RBFOX1: variants seen among roughly 807,000 people sequenced by gnomAD.
RBFOX1 encodes RNA binding protein fox-1 homolog 1.
RBFOX1 carries 8 observed loss-of-function variants against 57.7 expected under a neutral mutation model. The ratio of observed to expected loss-of-function variants is 0.14; its 90% CI spans 0.08 to 0.25. The LOEUF is 0.25. RBFOX1 is among the 10% of genes least tolerant of loss of function. RBFOX1 has a pLI of 1.00. For missense variants in RBFOX1, 611 were observed against 548.5 expected (o/e 1.11, Z -1.14); for synonymous variants, 326 against 222.4 (o/e 1.47, Z -4.15).
chr16:5,686,726 G>A (rs752299588), intron 3 of RBFOX1, among the ~76,000 whole-genome samples: 7 of 152,208 alleles, frequency 4.6e-5, no homozygotes, highest in South Asian at 4.2e-4. Context: ...GGAAATTGCC[G>A]AAATATAGAA....
chr16:7,087,377 A>G (rs758684750), intron 4 of RBFOX1, among the ~76,000 whole-genome samples: 1 of 152,120 alleles, frequency 6.6e-6, no homozygotes, highest in Non-Finnish European at 1.5e-5. Flanking sequence ...TCTGTTGATG[A>G]TCAACACCAT....
At chr16:5,554,260 A>C (rs117445395) in intron 2 of RBFOX1, among the ~76,000 whole-genome samples, 7,398 of 152,158 alleles carry the variant, frequency 0.049, 196 homozygotes, top group East Asian at 0.1. Context: ...CATGAGCCAC[A>C]ATGCCTGGCC....
chr16:7,149,206 G>T (rs2075643214), intron 4 of RBFOX1, among the ~76,000 whole-genome samples: 2 of 152,036 alleles, frequency 1.3e-5, no homozygotes, highest in South Asian at 4.2e-4. Flanking sequence ...TTTTTATTCA[G>T]AGTCAAGACT....
At chr16:7,394,064 C>T (rs1023342547) in intron 4 of RBFOX1, among the ~76,000 whole-genome samples, 1 of 151,562 alleles carries the variant, frequency 6.6e-6, no homozygotes, top group Non-Finnish European at 1.5e-5. Flanking sequence ...GGTGAAACCC[C>T]ATCTCTACGA....
intron 11 of RBFOX1, among the ~76,000 whole-genome samples, chr16:7,648,140 C>A (rs1292286527): frequency 6.6e-6 from 1 of 152,058 alleles, no homozygotes; most frequent in African/African-American, 2.4e-5. Context: ...TGTATTTTGC[C>A]CTTGAAATGG....
At chr16:7,301,344 A>C (rs2096026762) in intron 4 of RBFOX1, among the ~76,000 whole-genome samples, 8 of 152,190 alleles carry the variant, frequency 5.3e-5, no homozygotes, top group Admixed American at 5.2e-4. Flanking sequence ...GTTCAGGTTT[A>C]GTTATCCAGA....
intron 4 of RBFOX1, among the ~76,000 whole-genome samples, chr16:7,339,994 T>A (rs917698386): frequency 6.6e-6 from 1 of 152,136 alleles, no homozygotes; most frequent in Non-Finnish European, 1.5e-5. Context: ...CATCTCCTTT[T>A]AGAAATTCTC....
At chr16:5,888,063 C>G (rs1180040490) in intron 4 of RBFOX1, among the ~76,000 whole-genome samples, 1 of 152,200 alleles carries the variant, frequency 6.6e-6, no homozygotes, top group African/African-American at 2.4e-5. Flanking sequence ...AGACTGCCCT[C>G]CTGCAAGATT....
At chr16:6,755,268 T>G (rs930787980) in intron 3 of RBFOX1, among the ~76,000 whole-genome samples, 5 of 152,294 alleles carry the variant, frequency 3.3e-5, no homozygotes, top group East Asian at 3.9e-4. Flanking sequence ...GATCCCTGAG[T>G]AATCGCCACA....
chr16:6,965,537 A>C (rs910805249), intron 3 of RBFOX1, among the ~76,000 whole-genome samples: 2 of 152,178 alleles, frequency 1.3e-5, no homozygotes, highest in East Asian at 3.9e-4. Context: ...GGGTTTCACC[A>C]TGTTGGCCAG....
At position 6,104,331 on chromosome 16, in the gene RBFOX1, C is replaced by G. The variant is rs76834283; in HGVS notation, c.-127+84339C>G. ...CTTTATATTGCAATATTAAGGGAAA[C>G]CTTTAGAACTTAAAGAATAAATACC... On this transcript the variant is annotated intron_variant, in intron 1 of 15. Transcript: ENST00000550418. Among the ~76,000 whole-genome samples the G allele has an allele frequency of 7.2e-5, 11 of 152,010 alleles. No homozygotes were observed. In the East Asian group the frequency reaches 2.1e-3, roughly 29 times the overall value.
intron 3 of RBFOX1, among the ~76,000 whole-genome samples, chr16:6,789,534 A>G (rs1315803991): frequency 6.6e-6 from 1 of 152,208 alleles, no homozygotes; most frequent in Non-Finnish European, 1.5e-5. Context: ...TGCAAATTTA[A>G]GCAAATTATT....
At chr16:5,418,671 CTTCT>C (rs1485362616) in intron 1 of RBFOX1, among the ~76,000 whole-genome samples, 1 of 152,144 alleles carries the variant, frequency 6.6e-6, no homozygotes, top group African/African-American at 2.4e-5. Flanking sequence ...TCCCTTCCCC[CTTCT>C]TTCCTCCCTC....
At chr16:5,697,800 G>T (rs535159458) in intron 3 of RBFOX1, among the ~76,000 whole-genome samples, 32 of 152,186 alleles carry the variant, frequency 2.1e-4, no homozygotes, top group South Asian at 8.3e-4. Context: ...CCAAAGTGGG[G>T]TTATTCTTTT....
In RBFOX1 at chr16:6,379,845, C is replaced by T. The variant is rs545089247; in HGVS notation, c.-64+62788C>T. On this transcript the variant is annotated intron_variant, in intron 2 of 15. Coordinates refer to ENST00000550418, the MANE Select transcript of RBFOX1 (RefSeq NM_018723.4). The stretch of plus-strand genomic sequence containing the variant: ...GGGATATGTTAGAGGAGTTTGCAGA[C>T]GGGCATGAGAGAACAAGAGAAGGTT... 1.1e-4 allele frequency among the ~76,000 whole-genome samples: 16 copies of T among 152,094 alleles called. No individual in the cohort carries two copies. The South Asian group carries it at 1.5e-3, about 14-fold the overall frequency.
chr16:5,440,498 A>T (rs924357848), intron 1 of RBFOX1, among the ~76,000 whole-genome samples: 7 of 152,170 alleles, frequency 4.6e-5, no homozygotes, highest in Admixed American at 2.0e-4. Flanking sequence ...TTTGACTTGC[A>T]TTGGAGTTTG....
chr16:7,335,184 G>A (rs2096763418), intron 4 of RBFOX1, among the ~76,000 whole-genome samples: 1 of 152,214 alleles, frequency 6.6e-6, no homozygotes, highest in Admixed American at 6.5e-5. Context: ...TCAGCTCTGA[G>A]CCGATGTTTC....
intron 1 of RBFOX1, among the ~76,000 whole-genome samples, chr16:6,026,874 T>C (rs750859195): frequency 1.3e-5 from 2 of 152,220 alleles, no homozygotes; most frequent in Admixed American, 6.5e-5. Context: ...TTGGGCATCA[T>C]GCAGTCACAG....
chr16:7,090,821 G>A (rs368016181), intron 4 of RBFOX1, among the ~76,000 whole-genome samples: 70 of 152,244 alleles, frequency 4.6e-4, no homozygotes, highest in African/African-American at 1.7e-3. Context: ...TACTGAGGAT[G>A]TGATCTGAGC....
Sources: allele counts gnomAD v4.1 joint callset (sites outside exome capture counted in the v4.1 genomes callset), GRCh38; gene constraint gnomAD v4.1.1; transcripts MANE v1.5; gene names NCBI Gene and HGNC (gene_info 2026-07-23, HGNC 2026-07-21).